Variants in SNX4 observed in about 807,000 individuals in gnomAD.
The protein encoded by SNX4 is sorting nexin-4.
Under a neutral mutation model 70.8 loss-of-function variants are expected in SNX4, and 49 were observed. The observed-to-expected ratio is 0.69, with a 90% confidence interval of 0.55 to 0.88. The LOEUF (loss-of-function observed/expected upper bound fraction) is 0.88. SNX4 is among the 40% of genes least tolerant of loss of function. The probability of loss-of-function intolerance (pLI) is 0.00; values close to 1 mark genes in which losing one functional copy is unlikely to be tolerated. For synonymous variants in SNX4, 206 were observed against 183.8 expected (o/e 1.12, Z -0.98); for missense variants, 528 against 544.8 (o/e 0.97, Z 0.31).
intron 10 of SNX4, among the ~76,000 whole-genome samples, chr3:125,458,643 C>G (rs963702314): frequency 8.0e-5 from 12 of 150,416 alleles, no homozygotes; most frequent in Non-Finnish European, 1.8e-4. Context: ...GGTGAAACCC[C>G]GTCTCTACTA....
chr3:125,464,547 T>C (rs957406904), intron 9 of SNX4, among the ~76,000 whole-genome samples: 4 of 150,102 alleles, frequency 2.7e-5, no homozygotes, highest in Non-Finnish European at 4.4e-5. Flanking sequence ...TTCTGTTCCA[T>C]TGATCTATTT....
At chr3:125,519,504 G>A (rs1935351410) in intron 1 of SNX4, among the ~76,000 whole-genome samples, 1 of 152,096 alleles carries the variant, frequency 6.6e-6, no homozygotes, top group Non-Finnish European at 1.5e-5. Flanking sequence ...CCTGATGGCA[G>A]CACCAGGCCA....
Position 125,512,640 on chromosome 3 carries a change from G to A in SNX4, c.141+7392C>T, listed in dbSNP as rs1028072238. On this transcript the variant is annotated intron_variant, in intron 1 of 13. Transcript: ENST00000251775. ...GATGAGACCAGGGACCTTTTAAAGAGACACCTAATTTTTATTTTATTTTTA... is the reference window on the plus strand; with the variant it reads ...GATGAGACCAGGGACCTTTTAAAGAAACACCTAATTTTTATTTTATTTTTA... Among the ~76,000 whole-genome samples the A allele has an allele frequency of 9.2e-5, 14 of 152,232 alleles. No homozygotes were observed. In the South Asian group the frequency reaches 2.3e-3, roughly 25 times the overall value.
chr3:125,454,092 T>C (rs775327598), intron 11 of SNX4, 137 bp from the exon 12 acceptor site: 61 of 679,056 alleles, frequency 9.0e-5, no homozygotes, highest in Non-Finnish European at 1.5e-4. Context: ...CAGGACATTA[T>C]GCTAAGTGAA....
Position 125,446,704 on chromosome 3 carries a change from C to G in SNX4, c.*1075G>C, listed in dbSNP as rs1358583903. ...TAAGTTTGGCAAACAGCACAAAAAT[C>G]CAGCAACATTTAAAACATATAAAAA... On this transcript the variant is annotated 3_prime_UTR_variant, in exon 14 of 14. Coordinates refer to ENST00000251775, the MANE Select transcript of SNX4 (RefSeq NM_003794.4). 3.3e-5 allele frequency: 5 copies of G among 152,586 alleles called. No individual in the cohort carries two copies. In the South Asian group the frequency reaches 6.2e-4, roughly 19 times the overall value. The allele number at this position is 152,586 out of a possible 1,614,324, so 9.5% of individuals were successfully genotyped here. A position where few individuals can be genotyped will look rare whatever the true frequency, so the allele number is the denominator to read the frequency against.
chr3:125,494,573 C>T (rs138993331), intron 5 of SNX4, among the ~76,000 whole-genome samples: 32 of 152,086 alleles, frequency 2.1e-4, no homozygotes, highest in African/African-American at 7.5e-4. Context: ...TCTTTTTTAC[C>T]GTTTTTGACA....
chr3:125,510,644 T>C (rs746773942), intron 1 of SNX4, among the ~76,000 whole-genome samples: 1 of 152,238 alleles, frequency 6.6e-6, no homozygotes, highest in Non-Finnish European at 1.5e-5. Context: ...AAAGACATTA[T>C]GATAAGTGAA....
chr3:125,519,948 GGCCCA>G (rs545176634), intron 1 of SNX4, 79 bp downstream of exon 1: 36 of 775,216 alleles, frequency 4.6e-5, no homozygotes, highest in South Asian at 1.7e-4. Flanking sequence ...GGCCCGGCCC[GGCCCA>G]GCCCAGCCCA....
At chr3:125,495,791 G>A (rs1934781178) in intron 5 of SNX4, among the ~76,000 whole-genome samples, 2 of 152,082 alleles carry the variant, frequency 1.3e-5, no homozygotes, top group South Asian at 4.1e-4. Flanking sequence ...GTTATATAAA[G>A]AGAATTCACT....
At chr3:125,480,136 G>C in intron 7 of SNX4, 111 bp downstream of exon 7, 3 of 561,846 alleles carry the variant, frequency 5.3e-6, no homozygotes, top group Non-Finnish European at 6.0e-6. Context: ...AAATTCAAAT[G>C]CAAAAATCAG....
intron 9 of SNX4, among the ~76,000 whole-genome samples, chr3:125,466,845 G>A (rs1934035319): frequency 1.3e-5 from 2 of 152,312 alleles, no homozygotes; most frequent in African/African-American, 4.8e-5. Context: ...AGCACTTTGG[G>A]AGGCTGAGGT....
At chr3:125,463,810 A>T (rs887330723) in intron 9 of SNX4, among the ~76,000 whole-genome samples, 1 of 152,214 alleles carries the variant, frequency 6.6e-6, no homozygotes, top group Non-Finnish European at 1.5e-5. Flanking sequence ...AATATTTAAG[A>T]TCTATTTTTT....
At position 125,468,993 on chromosome 3, in the gene SNX4, T is replaced by G. The variant is rs962073268; in HGVS notation, c.854+461A>C. On this transcript the variant is annotated intron_variant, in intron 9 of 13. Coordinates refer to ENST00000251775, the MANE Select transcript of SNX4 (RefSeq NM_003794.4). ...ATTTAGGGCTCTTATTTAATTTTCT[T>G]GTCTCACCATATTGAGTAGGACCTC... 2.6e-5 allele frequency among the ~76,000 whole-genome samples: 4 copies of G among 152,358 alleles called. No individual in the cohort carries two copies. The South Asian group carries it at 6.2e-4, about 24-fold the overall frequency.
At chr3:125,513,709 G>C (rs549539147) in intron 1 of SNX4, among the ~76,000 whole-genome samples, 2 of 152,204 alleles carry the variant, frequency 1.3e-5, no homozygotes, top group African/African-American at 4.8e-5. Flanking sequence ...CATTCAGAGA[G>C]TTAAGGATAA....
chr3:125,483,794 T>C (rs1203479963), intron 6 of SNX4, among the ~76,000 whole-genome samples: 1 of 152,026 alleles, frequency 6.6e-6, no homozygotes, highest in African/African-American at 2.4e-5. Context: ...GAGTGAAAAA[T>C]TCATCAAGTC....
chr3:125,466,653 G>A (rs1404017235), intron 9 of SNX4, among the ~76,000 whole-genome samples: 5 of 152,298 alleles, frequency 3.3e-5, no homozygotes, highest in Admixed American at 1.3e-4. Context: ...GAGGCCAGGC[G>A]TGGTGGCTCA....
At chr3:125,484,163 C>T (rs1470490790) in intron 6 of SNX4, among the ~76,000 whole-genome samples, 2 of 152,148 alleles carry the variant, frequency 1.3e-5, no homozygotes, top group Non-Finnish European at 1.5e-5. Context: ...TGTCTATATC[C>T]AAACCCAATA....
At chr3:125,476,904 CT>C in intron 7 of SNX4, 148 bp from the exon 8 acceptor site, 2 of 552,694 alleles carry the variant, frequency 3.6e-6, no homozygotes, top group South Asian at 2.6e-5. Flanking sequence ...TCCCATCCCC[CT>C]AAAACTAAAA....
At chr3:125,519,853 A>C (rs1935364594) in intron 1 of SNX4, among the ~76,000 whole-genome samples, 179 bp downstream of exon 1, 1 of 150,168 alleles carries the variant, frequency 6.7e-6, no homozygotes, top group Non-Finnish European at 1.5e-5. Flanking sequence ...CTGTTTTTCC[A>C]CTGAGCCTCC....
Sources: gnomAD v4.1 joint callset for allele counts (sites outside exome capture counted in the v4.1 genomes callset) on GRCh38, gnomAD v4.1.1 for gene constraint, MANE v1.5 for transcripts, NCBI Gene and HGNC (gene_info 2026-07-23, HGNC 2026-07-21) for gene names.